CCDC62: variants seen among roughly 807,000 people sequenced by gnomAD.
CCDC62 encodes the protein coiled-coil domain-containing protein 62.
CCDC62 carries 72 observed loss-of-function variants against 80.8 expected under a neutral mutation model. The observed-to-expected ratio is 0.89, with a 90% CI of 0.74 to 1.08. The LOEUF is 1.08. Ranked by LOEUF, CCDC62 falls within the 50% of genes least tolerant of loss-of-function variation. CCDC62 has a pLI of 0.00. For synonymous variants in CCDC62, 286 were observed against 296.5 expected (o/e 0.96, Z 0.36); for missense variants, 704 against 809.4 (o/e 0.87, Z 1.58).
At chr12:122,777,337 AG>A in intron 1 of CCDC62, 153 bp from the exon 2 acceptor site, 1 of 614,574 alleles carries the variant, frequency 1.6e-6, no homozygotes, top group African/African-American at 1.8e-5. Flanking sequence ...ACATGTTTTA[AG>A]TATACATAAT....
At chr12:122,823,953 T>G (rs1212865341) in intron 12 of CCDC62, among the ~76,000 whole-genome samples, 2 of 151,848 alleles carry the variant, frequency 1.3e-5, no homozygotes, top group Non-Finnish European at 2.9e-5. Context: ...ACCACTGCAC[T>G]CTAGCCTGGG....
At chr12:122,825,350 T>G (rs1455141790) in intron 12 of CCDC62, among the ~76,000 whole-genome samples, 1 of 141,452 alleles carries the variant, frequency 7.1e-6, no homozygotes, top group Non-Finnish European at 1.6e-5. Context: ...TAATTTTTTT[T>G]TTTTTTTTTT....
In CCDC62 at chr12:122,801,272, T is replaced by C. The variant is rs768051388; in HGVS notation, c.1126T>C (p.Cys376Arg). 2 of 1,614,098 alleles carry C rather than the reference T, an allele frequency of 1.2e-6. No individual in the cohort carries two copies. Among genetic ancestry groups the C allele is most frequent in the South Asian group, 2.2e-5 (2 of 91,084 alleles). Residue 376 changes from cysteine to arginine, a missense_variant, in exon 9 of 13, where the codon TGC becomes CGC. Transcript: ENST00000253079. Reference sequence around the variant, plus strand: ...GTCAGACAAGAGCTCTTGCGATGAATGCAAAGAGAAGAAACAACAGATCGA... The same window carrying C: ...GTCAGACAAGAGCTCTTGCGATGAACGCAAAGAGAAGAAACAACAGATCGA... The part of the protein sequence containing the change: ...NRSDKSSCDE[C>R]KEKKQQIDTV...
Position 122,806,288 on chromosome 12 carries a change from A to T in CCDC62, c.1844A>T (p.Asn615Ile). The change falls in exon 10 of 13, where the codon AAT becomes ATT. Residue 615 changes from asparagine to isoleucine, a missense_variant. Transcript: ENST00000253079. Reference protein sequence around the residue: ...LLIYKDAPAFNEKASIVLPSQ... With the variant: ...LLIYKDAPAFIEKASIVLPSQ... ...ATCTACAAAGATGCACCAGCATTCA[A>T]TGAAAAGGTTCGTATTTTGCTTAGA... 1 of 1,608,536 alleles carries T rather than the reference A, an allele frequency of 6.2e-7. No homozygotes were observed. The highest frequency in any genetic ancestry group is 8.5e-7 in the Non-Finnish European group (1 of 1,176,574).
At chr12:122,786,967 T>A (rs932257149) in intron 4 of CCDC62, among the ~76,000 whole-genome samples, 6 of 151,590 alleles carry the variant, frequency 4.0e-5, no homozygotes, top group Admixed American at 2.0e-4. Flanking sequence ...CAAAAAAAAA[T>A]TAAATTAAAT....
intron 11 of CCDC62, among the ~76,000 whole-genome samples, chr12:122,823,061 A>G (rs2032478274): frequency 6.6e-6 from 1 of 152,108 alleles, no homozygotes; most frequent in South Asian, 2.1e-4. Context: ...CCTGGGTTCA[A>G]GCAATTCTCC....
Position 122,789,093 on chromosome 12 carries a change from T to C in CCDC62, c.670+164T>C, listed in dbSNP as rs376618508. On this transcript the variant is annotated intron_variant, in intron 5 of 12. Transcript: ENST00000253079. ...ATATAGGATTATGCTGCAATTTGTG[T>C]CTTATAAGATATATAACAGAGTTGG... is the stretch of plus-strand genomic sequence containing the variant. 1.2e-4 allele frequency among the ~76,000 whole-genome samples: 19 copies of C among 152,346 alleles called. No homozygotes were observed. The South Asian group carries it at 3.9e-3, about 32-fold the overall frequency.
rs777486472 is a variant in CCDC62, at chr12:122,813,421, T to C, written c.2001+2T>C. The C allele has an allele frequency of 5.6e-6, 9 of 1,609,792 alleles. No individual in the cohort carries two copies. The highest frequency in any genetic ancestry group is 6.8e-6 in the Non-Finnish European group (8 of 1,178,754). On this transcript the variant is annotated splice_donor_variant, in intron 11 of 12. Transcript: ENST00000253079. LOFTEE classifies it high-confidence loss of function. ...AATCTCACTGGCAGTGCCACAAATG[T>C]ATGCGTTTCATTTTCTCTTGACTAT...
intron 12 of CCDC62, among the ~76,000 whole-genome samples, chr12:122,825,322 C>G (rs928886113): frequency 1.5e-5 from 2 of 136,192 alleles, no homozygotes; most frequent in Non-Finnish European, 1.6e-5. Flanking sequence ...ATTACAGGTG[C>G]GCATCACCAC....
chr12:122,807,047 A>G lies in CCDC62; in HGVS notation c.1851+752A>G, dbSNP rs539126779. ...TCTGCAGAGACATGCATACAGACTA[A>G]TGTGTGGTAAATGGGATTTCATTAT... On this transcript the variant is annotated intron_variant, in intron 10 of 12. Coordinates refer to ENST00000253079, the MANE Select transcript of CCDC62 (RefSeq NM_201435.5). 5.3e-5 allele frequency among the ~76,000 whole-genome samples: 8 copies of G among 152,032 alleles called. No homozygotes were observed. In the East Asian group the frequency reaches 1.5e-3, roughly 29 times the overall value.
chr12:122,802,411 T>G (rs549299521), intron 9 of CCDC62, among the ~76,000 whole-genome samples: 1 of 121,038 alleles, frequency 8.3e-6, no homozygotes, highest in East Asian at 2.2e-4. Flanking sequence ...ATCTCTACAC[T>G]TTTTTTTTTT....
At chr12:122,822,060 A>AACACACACACACACACACACACACACAC (rs58108370) in intron 11 of CCDC62, among the ~76,000 whole-genome samples, 3 of 115,764 alleles carry the variant, frequency 2.6e-5, no homozygotes, top group Non-Finnish European at 3.4e-5. Flanking sequence ...TATAAATTTA[A>AACACACACACACACACACACACACACAC]ACACACACAC....
chr12:122,811,884 C>T (rs2031908228), intron 10 of CCDC62, among the ~76,000 whole-genome samples: 1 of 143,040 alleles, frequency 7.0e-6, no homozygotes. Context: ...GAGCAATTGG[C>T]AGTGACTAAT....
chr12:122,777,758 G>A (rs1378117121), intron 2 of CCDC62, 75 bp downstream of exon 2: 5 of 1,408,324 alleles, frequency 3.6e-6, no homozygotes, highest in African/African-American at 1.4e-5. Flanking sequence ...AGGGAAGATA[G>A]AGAGGAAGTA....
intron 10 of CCDC62, among the ~76,000 whole-genome samples, chr12:122,811,445 A>G (rs1198798428): frequency 6.6e-6 from 1 of 150,880 alleles, no homozygotes; most frequent in Non-Finnish European, 1.5e-5. Context: ...TCCCAACCTC[A>G]GGTGATCTGC....
At chr12:122,798,261 C>G (rs1007117270) in intron 8 of CCDC62, 61 bp downstream of exon 8, 3 of 849,148 alleles carry the variant, frequency 3.5e-6, no homozygotes, top group African/African-American at 1.7e-5. Flanking sequence ...CCAGTATTTA[C>G]TGCGCACTTA....
chr12:122,777,392 T>C (rs1289438460), intron 1 of CCDC62, 99 bp from the exon 2 acceptor site: 1 of 953,428 alleles, frequency 1.0e-6, no homozygotes, highest in African/African-American at 1.6e-5. Flanking sequence ...CTACTTAGAA[T>C]TGGCCGCAAA....
At chr12:122,790,117 C>G (rs1478354465) in intron 5 of CCDC62, among the ~76,000 whole-genome samples, 1 of 151,798 alleles carries the variant, frequency 6.6e-6, no homozygotes, top group Non-Finnish European at 1.5e-5. Context: ...ATGGCGTGAT[C>G]TCAGCTCACT....
intron 12 of CCDC62, among the ~76,000 whole-genome samples, chr12:122,826,000 A>AC (rs1247889619): frequency 3.5e-5 from 4 of 115,100 alleles, no homozygotes; most frequent in African/African-American, 1.1e-4. Context: ...TCTCAAAAAA[A>AC]AAAAAAAAAA....
Sources: allele counts gnomAD v4.1 joint callset (sites outside exome capture counted in the v4.1 genomes callset), GRCh38; gene constraint gnomAD v4.1.1; transcripts MANE v1.5; gene names NCBI Gene and HGNC (gene_info 2026-07-23, HGNC 2026-07-21).